Variants in LSAMP observed in about 807,000 individuals in gnomAD.
LSAMP encodes the protein limbic system-associated membrane protein.
LSAMP carries 7 observed loss-of-function variants against 38.6 expected under a neutral mutation model. The observed-to-expected ratio is 0.18, with a 90% confidence interval of 0.10 to 0.34. The LOEUF (loss-of-function observed/expected upper bound fraction) is 0.34. Ranked by LOEUF, LSAMP falls within the 10% of genes least tolerant of loss-of-function variation. LSAMP has a pLI of 1.00. For synonymous variants in LSAMP, 154 were observed against 166.8 expected, an observed-to-expected ratio of 0.92 and a Z score of 0.59; for missense variants, 313 against 420.0, an observed-to-expected ratio of 0.75 and a Z score of 2.23.
chr3:116,418,489 G>GT (rs143678351), intron 1 of LSAMP, among the ~76,000 whole-genome samples: 23,574 of 150,910 alleles, frequency 0.16, 3,121 homozygotes, highest in African/African-American at 0.37. Flanking sequence ...TATTTCTCAT[G>GT]TTTTTTTTTA....
At chr3:116,296,716 A>AG (rs1279452073) in intron 1 of LSAMP, among the ~76,000 whole-genome samples, 1 of 150,486 alleles carries the variant, frequency 6.6e-6, no homozygotes, top group African/African-American at 2.4e-5. Context: ...AAAAAAAAAA[A>AG]AAAAAAAGAA....
chr3:116,379,190 G>T (rs2048527970), intron 1 of LSAMP, among the ~76,000 whole-genome samples: 1 of 151,946 alleles, frequency 6.6e-6, no homozygotes, highest in Non-Finnish European at 1.5e-5. Flanking sequence ...TATTGCTATG[G>T]TAATTGTAAA....
chr3:116,197,147 ACACACACACACACACACT>A (rs1395895933), intron 1 of LSAMP, among the ~76,000 whole-genome samples: 2 of 150,856 alleles, frequency 1.3e-5, no homozygotes, highest in African/African-American at 4.9e-5. Flanking sequence ...ACACACACAC[ACACACACACACACACACT>A]CTCTCTCTCT....
intron 2 of LSAMP, among the ~76,000 whole-genome samples, chr3:116,040,282 G>T (rs564005768): frequency 6.6e-6 from 1 of 152,160 alleles, no homozygotes; most frequent in Non-Finnish European, 1.5e-5. Flanking sequence ...AGAGACACAG[G>T]TCAAGGGAGA....
intron 3 of LSAMP, among the ~76,000 whole-genome samples, chr3:115,945,860 A>G (rs1938080591): frequency 6.6e-6 from 1 of 152,180 alleles, no homozygotes; most frequent in Non-Finnish European, 1.5e-5. Flanking sequence ...TTGAGTTCTT[A>G]TTGACATTAT....
intron 1 of LSAMP, among the ~76,000 whole-genome samples, chr3:116,215,024 A>G (rs1263554676): frequency 6.6e-6 from 1 of 152,228 alleles, no homozygotes; most frequent in Non-Finnish European, 1.5e-5. Flanking sequence ...TGGGTTATCT[A>G]TTAATTCAAT....
At chr3:115,869,380 AGCAATTTGGAG>A (rs1935961018) in intron 3 of LSAMP, among the ~76,000 whole-genome samples, 2 of 152,134 alleles carry the variant, frequency 1.3e-5, no homozygotes, top group South Asian at 4.1e-4. Context: ...GATGAGTACC[AGCAATTTGGAG>A]TAAAAAACAT....
At chr3:115,903,983 A>G (rs1936946146) in intron 3 of LSAMP, among the ~76,000 whole-genome samples, 1 of 152,184 alleles carries the variant, frequency 6.6e-6, no homozygotes, top group Non-Finnish European at 1.5e-5. Context: ...GATAAATGAC[A>G]CATTACTGCA....
At chr3:115,838,088 C>T (rs1170118775) in intron 6 of LSAMP, 2 of 152,212 alleles carry the variant, frequency 1.3e-5, no homozygotes, top group Non-Finnish European at 2.9e-5. Flanking sequence ...CTCCTATGCT[C>T]ATCAGCAGTG....
intron 1 of LSAMP, among the ~76,000 whole-genome samples, chr3:116,284,200 A>C (rs1476861826): frequency 1.3e-5 from 2 of 152,094 alleles, no homozygotes; most frequent in Non-Finnish European, 2.9e-5. Context: ...CCCTCCACTA[A>C]GAGATCTATT....
intron 1 of LSAMP, among the ~76,000 whole-genome samples, chr3:116,410,502 T>TTTA (rs1553732778): frequency 0.093 from 14,139 of 151,866 alleles, 728 homozygotes; most frequent in Middle Eastern, 0.16. Flanking sequence ...ATTTTTTTTT[T>TTTA]AAACTGGGAA....
At chr3:116,097,785 G>T (rs1043736973) in intron 1 of LSAMP, among the ~76,000 whole-genome samples, 1 of 151,876 alleles carries the variant, frequency 6.6e-6, no homozygotes, top group Non-Finnish European at 1.5e-5. Context: ...GCCAAGGCTG[G>T]AGTGCAATGG....
chr3:116,313,816 T>C (rs867542017), intron 1 of LSAMP, among the ~76,000 whole-genome samples: 3 of 152,212 alleles, frequency 2.0e-5, no homozygotes, highest in Middle Eastern at 3.4e-3. Context: ...TAGCCAGGTG[T>C]GGTGGTGTGC....
Position 115,814,714 on chromosome 3 carries a change from T to C in LSAMP, c.920-4300A>G, listed in dbSNP as rs376848179. Among the ~76,000 whole-genome samples, 5 of 152,332 alleles carry C rather than the reference T, an allele frequency of 3.3e-5. No homozygotes were observed. In the South Asian group the frequency reaches 6.2e-4, roughly 19 times the overall value. ...TCATAATTTTATTCCAGTTTGTAGT[T>C]CAGCCATACGAGAAAAAAAGCCAGA... On this transcript the variant is annotated intron_variant, in intron 6 of 6. Coordinates refer to ENST00000490035, the MANE Select transcript of LSAMP (RefSeq NM_002338.5).
At chr3:116,069,393 G>T (rs1195883258) in intron 2 of LSAMP, among the ~76,000 whole-genome samples, 1 of 152,176 alleles carries the variant, frequency 6.6e-6, no homozygotes, top group Admixed American at 6.5e-5. Context: ...GACTCATTCC[G>T]GGTCAGACTC....
At chr3:116,135,223 C>CA (rs1390096260) in intron 1 of LSAMP, among the ~76,000 whole-genome samples, 1 of 152,178 alleles carries the variant, frequency 6.6e-6, no homozygotes, top group African/African-American at 2.4e-5. Context: ...ATATTACAAA[C>CA]ATCACCATCC....
At chr3:116,352,632 G>A (rs2048157729) in intron 1 of LSAMP, among the ~76,000 whole-genome samples, 1 of 152,120 alleles carries the variant, frequency 6.6e-6, no homozygotes, top group Admixed American at 6.6e-5. Context: ...TCCAGAGAAT[G>A]TGATGTACCT....
intron 1 of LSAMP, among the ~76,000 whole-genome samples, chr3:116,171,025 A>C (rs754788465): frequency 6.6e-6 from 1 of 152,138 alleles, no homozygotes; most frequent in Non-Finnish European, 1.5e-5. Flanking sequence ...AAAAGCATGA[A>C]AACTGGAATA....
At chr3:116,000,884 C>G (rs889425558) in intron 3 of LSAMP, among the ~76,000 whole-genome samples, 5 of 152,118 alleles carry the variant, frequency 3.3e-5, no homozygotes, top group African/African-American at 1.2e-4. Flanking sequence ...TAAGAGTAAC[C>G]ATGGGACCTC....
Sources: allele counts gnomAD v4.1 joint callset (sites outside exome capture counted in the v4.1 genomes callset), GRCh38; gene constraint gnomAD v4.1.1; transcripts MANE v1.5; gene names NCBI Gene and HGNC (gene_info 2026-07-23, HGNC 2026-07-21).